The following MAML3 variants were observed in gnomAD, a reference collection of about 807,000 sequenced individuals.
MAML3 encodes mastermind-like protein 3.
MAML3 carries 27 observed loss-of-function variants against 101.9 expected under a neutral mutation model. The observed-to-expected ratio is 0.27, with a 90% CI of 0.20 to 0.37. The LOEUF (loss-of-function observed/expected upper bound fraction) is 0.37, where lower values mean the gene tolerates loss of function less well. MAML3 is among the 10% of genes least tolerant of loss of function. The pLI is 1.00. For missense variants in MAML3, 1,316 were observed against 1,444.9 expected (o/e 0.91, Z 1.45); for synonymous variants, 501 against 555.9 (o/e 0.90, Z 1.39).
At chr4:140,039,955 G>T (rs185409696) in intron 1 of MAML3, among the ~76,000 whole-genome samples, 40 of 152,234 alleles carry the variant, frequency 2.6e-4, no homozygotes, top group Non-Finnish European at 5.6e-4. Flanking sequence ...GGCAAACAAC[G>T]CACACTCACA....
intron 1 of MAML3, among the ~76,000 whole-genome samples, chr4:140,151,698 G>GC (rs1022960281): frequency 3.1e-5 from 4 of 128,050 alleles, no homozygotes; most frequent in Admixed American, 9.7e-5. Context: ...TGCGGGGGGG[G>GC]GGGGCACACA....
intron 1 of MAML3, among the ~76,000 whole-genome samples, chr4:140,136,637 A>G (rs1228040476): frequency 6.6e-6 from 1 of 152,222 alleles, no homozygotes; most frequent in Admixed American, 6.5e-5. Context: ...AGACATGGGC[A>G]GTGTTTAATC....
chr4:139,799,680 G>A (rs1730571068), intron 2 of MAML3, among the ~76,000 whole-genome samples: 1 of 152,172 alleles, frequency 6.6e-6, no homozygotes, highest in South Asian at 2.1e-4. Flanking sequence ...GGAAGGAGAT[G>A]CATTCTTATC....
chr4:139,976,111 T>G (rs1734335128), intron 1 of MAML3, among the ~76,000 whole-genome samples: 1 of 152,222 alleles, frequency 6.6e-6, no homozygotes, highest in Non-Finnish European at 1.5e-5. Flanking sequence ...GTGGGAAATG[T>G]GTAACGTGCC....
chr4:139,800,503 T>C (rs1730585143), intron 2 of MAML3, among the ~76,000 whole-genome samples: 2 of 152,216 alleles, frequency 1.3e-5, no homozygotes, highest in African/African-American at 2.4e-5. Context: ...CTGAAAAGTA[T>C]AAAGTTTCTG....
chr4:140,069,384 AAGGAGGAGGAGGAGGAGGAGG>A (rs756106379), intron 1 of MAML3, among the ~76,000 whole-genome samples: 1 of 60,426 alleles, frequency 1.7e-5, no homozygotes, highest in Non-Finnish European at 3.5e-5. Context: ...GAAGAAGAAG[AAGGAGGAGGAGGAGGAGGAGG>A]AGGAGGAGGA....
In MAML3 at chr4:139,941,835, A is replaced by T. The variant is rs79190347; in HGVS notation, c.469-50868T>A. Among the ~76,000 whole-genome samples, 704 of 152,200 alleles carry T rather than the reference A, an allele frequency of 4.6e-3. 3 individuals are homozygous for T. Among genetic ancestry groups the T allele is most frequent in the African/African-American group, 0.016 (644 of 41,526 alleles). ...ACACAATCTTCTCTTACTTCACATT[A>T]GAAACCTTTAATACCAAGCCGGTCA... On this transcript the variant is annotated intron_variant, in intron 1 of 4. Coordinates refer to ENST00000509479, the MANE Select transcript of MAML3 (RefSeq NM_018717.5).
At chr4:139,912,637 C>G (rs1041485167) in intron 1 of MAML3, among the ~76,000 whole-genome samples, 1 of 152,138 alleles carries the variant, frequency 6.6e-6, no homozygotes, top group Non-Finnish European at 1.5e-5. Context: ...CAGCTGGTAT[C>G]ATCTTATAAG....
At chr4:139,730,345 A>G in intron 3 of MAML3, 71 bp downstream of exon 3, 1 of 1,385,926 alleles carries the variant, frequency 7.2e-7, no homozygotes, top group Non-Finnish European at 9.9e-7. Context: ...CCACTTCCTC[A>G]CAGGCAGCAG....
chr4:139,941,398 AGGTTAAT>A (rs1264946474), intron 1 of MAML3, among the ~76,000 whole-genome samples: 2 of 152,234 alleles, frequency 1.3e-5, no homozygotes, highest in Non-Finnish European at 2.9e-5. Flanking sequence ...ATGCAGAGAC[AGGTTAAT>A]GCTTTAGTTA....
intron 1 of MAML3, among the ~76,000 whole-genome samples, chr4:140,151,774 A>G (rs1429699808): frequency 6.6e-6 from 1 of 151,522 alleles, no homozygotes; most frequent in Non-Finnish European, 1.5e-5. Context: ...GAGGGGAGAT[A>G]AGAGAAAGGA....
chr4:140,129,606 A>G (rs1728751225), intron 1 of MAML3, among the ~76,000 whole-genome samples: 2 of 152,124 alleles, frequency 1.3e-5, no homozygotes, highest in Admixed American at 1.3e-4. Flanking sequence ...GAAGAACAGA[A>G]ATTTTCAGGC....
In MAML3 at chr4:139,978,611, C is replaced by CAAAAA. The variant is rs71584346; in HGVS notation, c.469-87649_469-87645dup. ...CATGACTTCCCAGCATCAACCACAT[C>CAAAAA]AAAAAAAAAGAGAGAGAGAGAGAGC... On this transcript the variant is annotated intron_variant, in intron 1 of 4. Coordinates refer to ENST00000509479, the MANE Select transcript of MAML3 (RefSeq NM_018717.5). Among the ~76,000 whole-genome samples, 104 of 122,250 alleles carry CAAAAA rather than the reference C, an allele frequency of 8.5e-4. 3 individuals are homozygous for CAAAAA. The highest frequency in any genetic ancestry group is 3.4e-3 in the Admixed American group (40 of 11,782). 80.2% of individuals were successfully genotyped at this position (122,250 alleles called of 152,430 possible).
intron 2 of MAML3, among the ~76,000 whole-genome samples, chr4:139,855,693 T>C (rs770026644): frequency 1.3e-5 from 2 of 152,220 alleles, no homozygotes; most frequent in Non-Finnish European, 2.9e-5. Context: ...ATCTCATCTT[T>C]ATCATGGGCA....
intron 2 of MAML3, among the ~76,000 whole-genome samples, chr4:139,831,712 A>C (rs190716897): frequency 5.6e-4 from 86 of 152,272 alleles, no homozygotes; most frequent in Admixed American, 5.4e-3. Context: ...GCGTGTGGCC[A>C]GGAGAAAAAA....
At chr4:140,134,873 C>G (rs943637438) in intron 1 of MAML3, among the ~76,000 whole-genome samples, 1 of 152,236 alleles carries the variant, frequency 6.6e-6, no homozygotes, top group African/African-American at 2.4e-5. Flanking sequence ...CACAATGGCA[C>G]GGGCTACAGC....
intron 1 of MAML3, among the ~76,000 whole-genome samples, chr4:140,080,436 A>G (rs1027875294): frequency 1.3e-5 from 2 of 152,258 alleles, no homozygotes; most frequent in African/African-American, 4.8e-5. Context: ...GAAATTTAAA[A>G]GTGCATGGTG....
intron 1 of MAML3, among the ~76,000 whole-genome samples, chr4:139,996,850 C>G (rs1734827347): frequency 6.6e-6 from 1 of 151,744 alleles, no homozygotes; most frequent in South Asian, 2.1e-4. Context: ...CACGAGGTCA[C>G]AAAATCGAGA....
chr4:139,875,330 TG>T (rs1283966111), intron 2 of MAML3, among the ~76,000 whole-genome samples: 1 of 152,052 alleles, frequency 6.6e-6, no homozygotes, highest in African/African-American at 2.4e-5. Flanking sequence ...AAGGTGGAAG[TG>T]GTGGGAGCGC....
Sources: gnomAD v4.1 joint callset for allele counts (sites outside exome capture counted in the v4.1 genomes callset) on GRCh38, gnomAD v4.1.1 for gene constraint, MANE v1.5 for transcripts, NCBI Gene and HGNC (gene_info 2026-07-23, HGNC 2026-07-21) for gene names.